Variants in TMTC2 observed in about 807,000 individuals in gnomAD.
The protein encoded by TMTC2 is protein O-mannosyl-transferase TMTC2.
A neutral mutation model predicts 82.4 loss-of-function variants in TMTC2; 43 were observed. The observed-to-expected ratio is 0.52, with a 90% CI of 0.41 to 0.67. The LOEUF is 0.67. Ranked by LOEUF, TMTC2 falls within the 30% of genes least tolerant of loss-of-function variation. The pLI is 0.00. For synonymous variants in TMTC2, 408 were observed against 381.9 expected, an observed-to-expected ratio of 1.07 and a Z score of -0.80; for missense variants, 919 against 1,012.4, an observed-to-expected ratio of 0.91 and a Z score of 1.25.
chr12:82,834,355 C>G (rs1869913786), intron 1 of TMTC2, among the ~76,000 whole-genome samples: 1 of 152,188 alleles, frequency 6.6e-6, no homozygotes, highest in African/African-American at 2.4e-5. Context: ...TGAAATTTGT[C>G]TATTGTAGCC....
chr12:83,105,273 G>C (rs932957337), intron 11 of TMTC2, among the ~76,000 whole-genome samples: 1 of 152,120 alleles, frequency 6.6e-6, no homozygotes, highest in Non-Finnish European at 1.5e-5. Flanking sequence ...CCATTACCAA[G>C]TTTCAAAGCT....
intron 1 of TMTC2, among the ~76,000 whole-genome samples, chr12:82,846,608 G>A (rs1042933616): frequency 4.0e-5 from 6 of 151,896 alleles, no homozygotes; most frequent in South Asian, 2.1e-4. Flanking sequence ...ATTGCTTATC[G>A]GAAAAACTCG....
chr12:82,687,592 T>C lies in TMTC2; in HGVS notation c.6T>C (p.Ile2=), dbSNP rs373175598. The change falls in exon 1 of 12, where the codon ATT becomes ATC. Residue 2 remains isoleucine, a synonymous_variant. Transcript: ENST00000321196. M[I]AELVSSALGL... is the part of the protein sequence containing the mutation. ...GGAGGGAAGGCGGTGGAGAGATGAT[T>C]GCAGAGTTGGTGAGCAGCGCTCTGG... 469 of 1,598,080 alleles carry C rather than the reference T, an allele frequency of 2.9e-4. No homozygotes were observed. In the South Asian group the frequency reaches 3.7e-3, roughly 13 times the overall value.
chr12:82,815,722 A>ATT (rs1294381245), intron 1 of TMTC2, among the ~76,000 whole-genome samples: 1 of 152,074 alleles, frequency 6.6e-6, no homozygotes, highest in Non-Finnish European at 1.5e-5. Context: ...AGGCCAAAAC[A>ATT]TTAACTGTCC....
chr12:83,084,951 A>G (rs979230724), intron 11 of TMTC2, among the ~76,000 whole-genome samples: 3 of 152,172 alleles, frequency 2.0e-5, no homozygotes, highest in Non-Finnish European at 2.9e-5. Flanking sequence ...TTCTGGGGAG[A>G]GTATTTTTTC....
intron 1 of TMTC2, among the ~76,000 whole-genome samples, chr12:82,851,677 A>G (rs1870983357): frequency 6.6e-6 from 1 of 152,158 alleles, no homozygotes; most frequent in Non-Finnish European, 1.5e-5. Context: ...CAGGTTAACA[A>G]AGGCCAGTCT....
chr12:82,831,770 G>A (rs185770555), intron 1 of TMTC2, among the ~76,000 whole-genome samples: 3 of 152,204 alleles, frequency 2.0e-5, no homozygotes, highest in South Asian at 2.1e-4. Context: ...CAAACAGGTC[G>A]TGGCACTGCT....
intron 1 of TMTC2, among the ~76,000 whole-genome samples, chr12:82,762,134 T>G (rs944921451): frequency 1.3e-5 from 2 of 151,918 alleles, no homozygotes; most frequent in Non-Finnish European, 2.9e-5. Context: ...GCAAGGCTAA[T>G]TTTTGTATTT....
chr12:82,735,409 G>T (rs893346561), intron 1 of TMTC2, among the ~76,000 whole-genome samples: 2 of 150,656 alleles, frequency 1.3e-5, no homozygotes, highest in South Asian at 2.1e-4. Flanking sequence ...GCAGTGGCGC[G>T]ATCTCGGCTC....
At chr12:83,023,278 G>C (rs1177927986) in intron 8 of TMTC2, among the ~76,000 whole-genome samples, 1 of 152,148 alleles carries the variant, frequency 6.6e-6, no homozygotes, top group Non-Finnish European at 1.5e-5. Flanking sequence ...CCGAATACAT[G>C]TTTCTTTAGA....
At chr12:82,753,266 A>T (rs1204856934) in intron 1 of TMTC2, among the ~76,000 whole-genome samples, 1 of 151,584 alleles carries the variant, frequency 6.6e-6, no homozygotes, top group Non-Finnish European at 1.5e-5. Flanking sequence ...TAAGGAGAAA[A>T]TAATTTATTT....
At chr12:82,995,030 C>T (rs1325445893) in intron 8 of TMTC2, among the ~76,000 whole-genome samples, 1 of 151,600 alleles carries the variant, frequency 6.6e-6, no homozygotes, top group Non-Finnish European at 1.5e-5. Flanking sequence ...ATTCTTTCTG[C>T]TACATCATAT....
intron 8 of TMTC2, among the ~76,000 whole-genome samples, chr12:83,004,752 T>TTTTTTTTTTTTTTTC (rs1880087495): frequency 9.4e-6 from 1 of 106,470 alleles, no homozygotes; most frequent in Non-Finnish European, 1.8e-5. Flanking sequence ...TTTTTTTTTT[T>TTTTTTTTTTTTTTTC]TTTTTTTTTT....
intron 3 of TMTC2, among the ~76,000 whole-genome samples, chr12:82,921,946 TAA>T (rs918557446): frequency 2.1e-4 from 28 of 135,502 alleles, no homozygotes; most frequent in Non-Finnish European, 3.2e-4. Flanking sequence ...AAATTAAAAT[TAA>T]AAAAAAAAAA....
chr12:82,729,164 T>G (rs1182662557), intron 1 of TMTC2, among the ~76,000 whole-genome samples: 3 of 152,226 alleles, frequency 2.0e-5, no homozygotes, highest in African/African-American at 2.4e-5. Flanking sequence ...CGGGATCCAC[T>G]GGGTGAAGCC....
At chr12:83,060,725 T>A (rs539580868) in intron 10 of TMTC2, among the ~76,000 whole-genome samples, 3 of 151,866 alleles carry the variant, frequency 2.0e-5, no homozygotes, top group African/African-American at 7.2e-5. Flanking sequence ...TCTTAGAAGG[T>A]CTTCTGAAGC....
At chr12:82,931,164 A>T (rs769124299) in intron 4 of TMTC2, among the ~76,000 whole-genome samples, 1 of 152,058 alleles carries the variant, frequency 6.6e-6, no homozygotes, top group Non-Finnish European at 1.5e-5. Context: ...CTTGCCTCAC[A>T]CTGCAAAGTG....
At chr12:82,828,723 C>A (rs73157496) in intron 1 of TMTC2, among the ~76,000 whole-genome samples, 1 of 152,048 alleles carries the variant, frequency 6.6e-6, no homozygotes, top group African/African-American at 2.4e-5. Flanking sequence ...TTGGACCATA[C>A]ACATAGTACC....
intron 11 of TMTC2, among the ~76,000 whole-genome samples, chr12:83,089,840 CAAAAAACAAAAAAA>C (rs985083014): frequency 5.0e-5 from 7 of 141,126 alleles, no homozygotes; most frequent in East Asian, 2.1e-4. Context: ...AAACAAAAAA[CAAAAAACAAAAAAA>C]AAAAAACTAT....
Sources: allele counts gnomAD v4.1 joint callset (sites outside exome capture counted in the v4.1 genomes callset), GRCh38; gene constraint gnomAD v4.1.1; transcripts MANE v1.5; gene names NCBI Gene and HGNC (gene_info 2026-07-23, HGNC 2026-07-21).